Variants in KLHL1 observed in about 807,000 individuals in gnomAD.
KLHL1 encodes kelch-like protein 1.
KLHL1 carries 47 observed loss-of-function variants against 77.7 expected under a neutral mutation model. That is an observed-to-expected ratio of 0.60 (90% CI 0.48 to 0.77). The LOEUF (loss-of-function observed/expected upper bound fraction) is 0.77. Among genes scored for constraint, KLHL1 ranks in the 30% least tolerant of loss-of-function variants. The probability of loss-of-function intolerance (pLI) is 0.00; values close to 1 mark genes in which losing one functional copy is unlikely to be tolerated. For missense variants in KLHL1, 925 were observed against 910.8 expected, an observed-to-expected ratio of 1.02 and a Z score of -0.20; for synonymous variants, 360 against 325.2, an observed-to-expected ratio of 1.11 and a Z score of -1.15.
At chr13:69,829,420 A>G (rs1211064662) in intron 6 of KLHL1, among the ~76,000 whole-genome samples, 2 of 150,182 alleles carry the variant, frequency 1.3e-5, no homozygotes, top group African/African-American at 2.5e-5. Context: ...ATCACTGTGC[A>G]GGACAAAATA....
intron 1 of KLHL1, among the ~76,000 whole-genome samples, chr13:70,050,316 G>A: frequency 6.6e-6 from 1 of 151,774 alleles, no homozygotes; most frequent in South Asian, 2.1e-4. Flanking sequence ...TTCTTCAGAA[G>A]AAGCTTCTAC....
At chr13:69,899,150 T>C (rs1459735898) in intron 4 of KLHL1, among the ~76,000 whole-genome samples, 1 of 152,120 alleles carries the variant, frequency 6.6e-6, no homozygotes, top group Non-Finnish European at 1.5e-5. Flanking sequence ...ACAAAATTTA[T>C]TGGATATCTT....
intron 6 of KLHL1, among the ~76,000 whole-genome samples, chr13:69,800,468 T>A (rs1875048179): frequency 6.6e-6 from 1 of 152,082 alleles, no homozygotes; most frequent in African/African-American, 2.4e-5. Context: ...CAATACAAAA[T>A]GAAAAAGGAT....
chr13:69,934,700 C>T (rs770783453), intron 4 of KLHL1, among the ~76,000 whole-genome samples: 4 of 151,772 alleles, frequency 2.6e-5, no homozygotes, highest in South Asian at 2.1e-4. Context: ...TAAACTACCT[C>T]TCTTCTTGTC....
At chr13:69,789,461 G>A (rs9564616) in intron 7 of KLHL1, among the ~76,000 whole-genome samples, 37,022 of 151,794 alleles carry the variant, frequency 0.24, 4,610 homozygotes, top group South Asian at 0.34. Flanking sequence ...TCCTTGTAAC[G>A]TGATGTGAAA....
intron 7 of KLHL1, among the ~76,000 whole-genome samples, chr13:69,781,977 C>T (rs1876238623): frequency 6.6e-6 from 1 of 152,136 alleles, no homozygotes; most frequent in Admixed American, 6.5e-5. Flanking sequence ...TTATTCAATA[C>T]TCAATTGCAG....
chr13:70,026,100 G>A (rs1275601064), intron 1 of KLHL1, among the ~76,000 whole-genome samples: 2 of 152,164 alleles, frequency 1.3e-5, no homozygotes, highest in South Asian at 2.1e-4. Flanking sequence ...ATTTTTTAGT[G>A]TGTTAAAAGA....
At chr13:69,758,419 A>G (rs893413671) in intron 7 of KLHL1, among the ~76,000 whole-genome samples, 6 of 151,910 alleles carry the variant, frequency 3.9e-5, no homozygotes, top group Non-Finnish European at 8.8e-5. Flanking sequence ...ATTTTGTTTT[A>G]TCTGTACCAT....
chr13:69,719,160 G>T (rs191575287), intron 9 of KLHL1, among the ~76,000 whole-genome samples: 2 of 150,530 alleles, frequency 1.3e-5, no homozygotes, highest in African/African-American at 4.9e-5. Context: ...AGGAATAAAA[G>T]AATAAGAAAA....
chr13:70,078,683 T>C (rs1024608511), intron 1 of KLHL1, among the ~76,000 whole-genome samples: 7 of 152,152 alleles, frequency 4.6e-5, no homozygotes, highest in African/African-American at 1.7e-4. Context: ...CAGCTGATCT[T>C]TGCGACCACT....
At chr13:69,917,359 T>C (rs1165985430) in intron 4 of KLHL1, among the ~76,000 whole-genome samples, 2 of 152,116 alleles carry the variant, frequency 1.3e-5, no homozygotes, top group African/African-American at 4.8e-5. Context: ...TTTTTAAAAA[T>C]GTACAAAAGT....
intron 2 of KLHL1, among the ~76,000 whole-genome samples, chr13:69,969,098 A>T (rs1200895355): frequency 6.6e-6 from 1 of 151,994 alleles, no homozygotes; most frequent in African/African-American, 2.4e-5. Flanking sequence ...TCTGCTATGT[A>T]TTTTATCTTA....
chr13:69,949,833 A>AAATT (rs1296364772), intron 3 of KLHL1, among the ~76,000 whole-genome samples: 201 of 151,898 alleles, frequency 1.3e-3, no homozygotes, highest in African/African-American at 4.7e-3. Context: ...ACAGTTAACA[A>AAATT]TGACATTTAA....
intron 1 of KLHL1, among the ~76,000 whole-genome samples, chr13:70,032,441 T>G (rs1037771171): frequency 4.6e-5 from 7 of 152,112 alleles, no homozygotes; most frequent in Admixed American, 2.6e-4. Flanking sequence ...CGGAGCAAAT[T>G]GAAGAAATGA....
At chr13:69,786,962 C>G (rs1467356064) in intron 7 of KLHL1, among the ~76,000 whole-genome samples, 1 of 152,114 alleles carries the variant, frequency 6.6e-6, no homozygotes, top group South Asian at 2.1e-4. Context: ...TGTGAAGGAC[C>G]TCTTCAAGGA....
At chr13:69,961,223 T>G (rs9592668) in intron 3 of KLHL1, 85 bp downstream of exon 3, 3 of 1,131,040 alleles carry the variant, frequency 2.7e-6, no homozygotes, top group Non-Finnish European at 3.7e-6. Context: ...GAATTTTTTT[T>G]AAAAAAGCGT....
chr13:69,731,707 G>A (rs887310923), intron 8 of KLHL1, among the ~76,000 whole-genome samples: 1 of 152,068 alleles, frequency 6.6e-6, no homozygotes, highest in Non-Finnish European at 1.5e-5. Context: ...TGTGATTCTG[G>A]TTCACCTTTT....
chr13:69,827,353 C>T (rs115653934), intron 6 of KLHL1, among the ~76,000 whole-genome samples: 2,205 of 151,880 alleles, frequency 0.015, 53 homozygotes, highest in African/African-American at 0.049. Context: ...AGAACTGATT[C>T]TAATCTTCAG....
intron 5 of KLHL1, 89 bp from the exon 6 acceptor site, chr13:69,839,251 A>C: frequency 1.1e-6 from 1 of 882,358 alleles, no homozygotes; most frequent in Non-Finnish European, 1.7e-6. Context: ...AATGTCTGTG[A>C]TATTATCCTT....
Sources: gnomAD v4.1 joint callset for allele counts (sites outside exome capture counted in the v4.1 genomes callset) on GRCh38, gnomAD v4.1.1 for gene constraint, MANE v1.5 for transcripts, NCBI Gene and HGNC (gene_info 2026-07-23, HGNC 2026-07-21) for gene names.